Variants in GNA15 observed in about 807,000 individuals in gnomAD.
GNA15 encodes G protein subunit alpha 15.
In GNA15, 23 loss-of-function variants were observed where a neutral mutation model predicts 40.1. The observed-to-expected ratio is 0.57, with a 90% CI of 0.41 to 0.81. GNA15 has a LOEUF of 0.81. Ranked by LOEUF, GNA15 falls within the 40% of genes least tolerant of loss-of-function variation. The pLI is 0.00. For synonymous variants in GNA15, 226 were observed against 210.4 expected (o/e 1.07, Z -0.64); for missense variants, 522 against 515.8 (o/e 1.01, Z -0.12).
At chr19:3,140,784 G>A (rs2144840493) in intron 1 of GNA15, among the ~76,000 whole-genome samples, 1 of 152,236 alleles carries the variant, frequency 6.6e-6, no homozygotes. Flanking sequence ...TTTTTGGGGA[G>A]AACTTCCCCC....
intron 1 of GNA15, among the ~76,000 whole-genome samples, chr19:3,146,252 G>A (rs757696995): frequency 6.6e-6 from 1 of 152,150 alleles, no homozygotes; most frequent in Non-Finnish European, 1.5e-5. Context: ...GGAGCCAGAC[G>A]AGATGCTGGG....
At chr19:3,157,134 T>C (rs1371556714) in intron 5 of GNA15, among the ~76,000 whole-genome samples, 2 of 151,570 alleles carry the variant, frequency 1.3e-5, no homozygotes, top group African/African-American at 4.9e-5. Context: ...AGTAGCTGGG[T>C]TTACAGGCAC....
intron 5 of GNA15, among the ~76,000 whole-genome samples, chr19:3,156,182 A>ACT (rs1915009738): frequency 6.6e-6 from 1 of 150,700 alleles, no homozygotes; most frequent in Non-Finnish European, 1.5e-5. Context: ...ACACACACAC[A>ACT]CACACACACA....
chr19:3,138,939 CT>C (rs35552360), intron 1 of GNA15, among the ~76,000 whole-genome samples: 5,200 of 105,590 alleles, frequency 0.049, 305 homozygotes, highest in Admixed American at 0.17. Context: ...CGCCCAGCCT[CT>C]TTTTTTTTTT....
chr19:3,152,902 G>T (rs767714174), intron 4 of GNA15, among the ~76,000 whole-genome samples: 14 of 152,184 alleles, frequency 9.2e-5, no homozygotes, highest in Non-Finnish European at 1.8e-4. Context: ...AGCCTCACAA[G>T]GTTAGGGGCT....
At chr19:3,162,292 T>C (rs1915155709) in intron 6 of GNA15, among the ~76,000 whole-genome samples, 1 of 151,112 alleles carries the variant, frequency 6.6e-6, no homozygotes, top group Non-Finnish European at 1.5e-5. Flanking sequence ...ATACAAAAAT[T>C]ACCTGGGCAT....
chr19:3,141,377 T>C (rs1295417375), intron 1 of GNA15, among the ~76,000 whole-genome samples: 1 of 152,120 alleles, frequency 6.6e-6, no homozygotes, highest in African/African-American at 2.4e-5. Context: ...GTTATGTCCT[T>C]AGCACTTTAA....
rs780545030 is a variant in GNA15, at chr19:3,155,818, T to C, written c.615-5T>C. 2.0e-5 allele frequency: 32 copies of C among 1,612,374 alleles called. No individual in the cohort carries two copies. The highest frequency in any genetic ancestry group is 2.7e-5 in the Non-Finnish European group (32 of 1,179,694). On this transcript the variant is annotated splice_region_variant and splice_polypyrimidine_tract_variant and intron_variant, in intron 4 of 6. Transcript: ENST00000262958. This position sits in a 1 kb window ranked among gnomAD's most constrained non-coding sequence, Gnocchi z 5.6. ...TCTGAAAGGGGGCACCTCGGTTCCCTGTAGGATCGTGGACGTCGGGGGCCA... is the reference window on the plus strand; with the variant it reads ...TCTGAAAGGGGGCACCTCGGTTCCCCGTAGGATCGTGGACGTCGGGGGCCA...
intron 1 of GNA15, among the ~76,000 whole-genome samples, chr19:3,144,798 G>C (rs1321131452): frequency 6.6e-6 from 1 of 150,708 alleles, no homozygotes; most frequent in East Asian, 2.0e-4. Flanking sequence ...ATAGTGCTGA[G>C]ATTACAGGCG....
At chr19:3,142,421 C>T (rs1914597178) in intron 1 of GNA15, 1 of 152,152 alleles carries the variant, frequency 6.6e-6, no homozygotes, top group Non-Finnish European at 1.5e-5. Flanking sequence ...ACAGGATTAT[C>T]ATTTATTTCC....
chr19:3,152,738 T>A (rs1360889827), intron 4 of GNA15, among the ~76,000 whole-genome samples: 5 of 152,124 alleles, frequency 3.3e-5, no homozygotes, highest in Admixed American at 2.6e-4. Flanking sequence ...GGGTGCAAAG[T>A]CATGCCCAGA....
At chr19:3,161,281 A>G (rs933601438) in intron 6 of GNA15, among the ~76,000 whole-genome samples, 1 of 152,168 alleles carries the variant, frequency 6.6e-6, no homozygotes, top group Non-Finnish European at 1.5e-5. Flanking sequence ...AACTAATTAC[A>G]TCTGCAAATA....
chr19:3,155,292 A>G lies in GNA15; in HGVS notation c.615-531A>G, dbSNP rs1914985028. The G allele has an allele frequency of 6.5e-6, 1 of 153,036 alleles. No individual in the cohort carries two copies. Among genetic ancestry groups the G allele is most frequent in the African/African-American group, 2.4e-5 (1 of 41,390 alleles). The allele number at this position is 153,036 out of a possible 1,614,324, so 9.5% of individuals were successfully genotyped here. A position where few individuals can be genotyped will look rare whatever the true frequency, so the allele number is the denominator to read the frequency against. On this transcript the variant is annotated intron_variant, in intron 4 of 6. Coordinates refer to ENST00000262958, the MANE Select transcript of GNA15 (RefSeq NM_002068.4). This position sits in a 1 kb window ranked among gnomAD's most constrained non-coding sequence, Gnocchi z 5.6. ...CAGCGACCCACATTTCTCAGAAGAG[A>G]GAGAACAGGAAGGTGGGGGCAGGGT...
intron 3 of GNA15, among the ~76,000 whole-genome samples, 158 bp downstream of exon 3, chr19:3,150,443 G>A (rs1001766740): frequency 6.6e-6 from 1 of 152,222 alleles, no homozygotes; most frequent in South Asian, 2.1e-4. Flanking sequence ...CCTAATTCCC[G>A]GGGGACCCTG....
chr19:3,161,252 C>T (rs753452173), intron 6 of GNA15, among the ~76,000 whole-genome samples: 2 of 152,202 alleles, frequency 1.3e-5, no homozygotes, highest in Non-Finnish European at 2.9e-5. Flanking sequence ...TCATGCCTGG[C>T]CATGACCTAA....
In GNA15 at chr19:3,151,641, C is replaced by T. The variant is rs533134960; in HGVS notation, c.486-66C>T. On this transcript the variant is annotated intron_variant, in intron 3 of 6. Transcript: ENST00000262958. The surrounding 1 kb of genome is among the most constrained non-coding windows in gnomAD (Gnocchi z 5.0). Reference sequence around the variant, plus strand: ...CCAGCAGGGTCCTTGCTGGGCCTTTCGTAGGGCCTGGGAAGCAAAGGGAGG... The same window carrying T: ...CCAGCAGGGTCCTTGCTGGGCCTTTTGTAGGGCCTGGGAAGCAAAGGGAGG... The T allele has an allele frequency of 3.0e-4, 438 of 1,477,950 alleles. No individual in the cohort carries two copies. Among genetic ancestry groups the T allele is most frequent in the Non-Finnish European group, 3.7e-4 (409 of 1,111,962 alleles). 91.6% of individuals were successfully genotyped at this position (1,477,950 alleles called of 1,614,324 possible). A position where few individuals can be genotyped will look rare whatever the true frequency, so the allele number is the denominator to read the frequency against.
Position 3,155,908 on chromosome 19 carries a change from TC to T in GNA15, c.701del (p.Ser234TyrfsTer2). 1 of 1,613,802 alleles carries T rather than the reference TC, an allele frequency of 6.2e-7. No individual in the cohort carries two copies. Among genetic ancestry groups the T allele is most frequent in the Non-Finnish European group, 8.5e-7 (1 of 1,179,780 alleles). On this transcript the variant is annotated frameshift_variant, in exon 5 of 7. Coordinates refer to ENST00000262958, the MANE Select transcript of GNA15 (RefSeq NM_002068.4). LOFTEE classifies it high-confidence loss of function. This position sits in a 1 kb window ranked among gnomAD's most constrained non-coding sequence, Gnocchi z 5.6. The stretch of plus-strand genomic sequence containing the variant: ...CGTGATCGCCCTCATCTACCTGGCC[TC>T]ACTGAGTGAATACGACCAGTGCCTG... Reference protein sequence around the residue: ...ENVIALIYLASLSEYDQCLEE... With the variant: ...ENVIALIYLAXLSEYDQCLEE...
At chr19:3,138,037 G>A (rs1162906396) in intron 1 of GNA15, among the ~76,000 whole-genome samples, 2 of 152,120 alleles carry the variant, frequency 1.3e-5, no homozygotes, top group Non-Finnish European at 2.9e-5. Flanking sequence ...GCCAAGGCGG[G>A]CAGATCACTT....
At chr19:3,148,850 G>A in intron 2 of GNA15, 75 bp downstream of exon 2, 11 of 1,415,476 alleles carry the variant, frequency 7.8e-6, no homozygotes, top group Admixed American at 2.3e-5. Flanking sequence ...CCGGAGCAGG[G>A]CCAAGTTCCC....
Sources: allele counts gnomAD v4.1 joint callset (sites outside exome capture counted in the v4.1 genomes callset), GRCh38; gene constraint gnomAD v4.1.1; non-coding constraint Gnocchi (gnomAD v3.1); transcripts MANE v1.5; gene names NCBI Gene and HGNC (gene_info 2026-07-23, HGNC 2026-07-21).